The following GABRP variants were observed in gnomAD, a reference collection of about 807,000 sequenced individuals.
GABRP encodes gamma-aminobutyric acid receptor subunit pi.
GABRP carries 52 observed loss-of-function variants against 47.8 expected under a neutral mutation model. The ratio of observed to expected loss-of-function variants is 1.09; its 90% CI spans 0.87 to 1.37. The LOEUF is 1.37. Among genes scored for constraint, GABRP ranks in the 40% most tolerant of loss-of-function variants. The pLI, the probability that GABRP is intolerant of heterozygous loss-of-function variation, is 0.00. For missense variants in GABRP, 525 were observed against 542.8 expected (o/e 0.97, Z 0.33); for synonymous variants, 221 against 205.8 (o/e 1.07, Z -0.63).
In GABRP at chr5:170,812,107, T is replaced by TTTAA; in HGVS notation, c.1172_1173insTTAA (p.Lys392Ter). 6.2e-7 allele frequency: 1 copy of TTTAA among 1,614,186 alleles called. No individual in the cohort carries two copies. Among genetic ancestry groups the TTTAA allele is most frequent in the Non-Finnish European group, 8.5e-7 (1 of 1,180,018 alleles). ...TTGACAATGAAAACCAGCGACAAGTTCAAGTTTGTCTTCCGAGAAAAGATG... is the reference window on the plus strand; with the variant it reads ...TTGACAATGAAAACCAGCGACAAGTTTTAACAAGTTTGTCTTCCGAGAAAAGATG... On this transcript the variant is annotated stop_gained and frameshift_variant, in exon 10 of 10. Coordinates refer to ENST00000265294, the MANE Select transcript of GABRP (RefSeq NM_014211.3). LOFTEE classifies it high-confidence loss of function.
intron 7 of GABRP, among the ~76,000 whole-genome samples, chr5:170,806,915 T>G (rs552906805): frequency 1.3e-5 from 2 of 152,260 alleles, no homozygotes; most frequent in African/African-American, 4.8e-5. Context: ...TTTTCTTTTT[T>G]CTTTTATCTA....
chr5:170,785,784 T>C (rs934063915), intron 1 of GABRP, among the ~76,000 whole-genome samples: 2 of 152,216 alleles, frequency 1.3e-5, no homozygotes, highest in African/African-American at 4.8e-5. Flanking sequence ...CCATGTTCCT[T>C]CAGGCCAGAC....
chr5:170,784,161 C>A (rs1765071069), intron 1 of GABRP, among the ~76,000 whole-genome samples: 1 of 152,186 alleles, frequency 6.6e-6, no homozygotes, highest in Non-Finnish European at 1.5e-5. Flanking sequence ...AAGCGGGACC[C>A]ATGGCAATAA....
chr5:170,801,469 G>A (rs1356101733), intron 6 of GABRP, among the ~76,000 whole-genome samples: 1 of 152,100 alleles, frequency 6.6e-6, no homozygotes, highest in Non-Finnish European at 1.5e-5. Context: ...CAACTGAATT[G>A]CAACCTGATT....
chr5:170,786,447 C>T (rs979435481), intron 1 of GABRP, among the ~76,000 whole-genome samples: 7 of 152,182 alleles, frequency 4.6e-5, no homozygotes, highest in Non-Finnish European at 1.0e-4. Flanking sequence ...ACAGCATTCA[C>T]AGTAGAAGAT....
upstream of GABRP, chr5:170,783,001 TG>T (rs145404766): frequency 0.091 from 13,896 of 152,268 alleles, 1,116 homozygotes; most frequent in African/African-American, 0.21. Flanking sequence ...TTAGGAGGTT[TG>T]GTTGGCCAGG....
chr5:170,793,149 G>T (rs894058173), intron 3 of GABRP, among the ~76,000 whole-genome samples: 3 of 152,164 alleles, frequency 2.0e-5, no homozygotes, highest in Admixed American at 6.6e-5. Flanking sequence ...ACTCCACAAA[G>T]ACAATGTCAC....
At chr5:170,795,123 T>A (rs763754497) in intron 4 of GABRP, 85 bp from the exon 5 acceptor site, 73 of 941,488 alleles carry the variant, frequency 7.8e-5, no homozygotes, top group Non-Finnish European at 1.1e-4. Context: ...GGGAGGGGAG[T>A]AAACTTTGAC....
intron 3 of GABRP, among the ~76,000 whole-genome samples, chr5:170,790,551 T>C (rs746580154): frequency 3.3e-4 from 50 of 152,026 alleles, no homozygotes; most frequent in Non-Finnish European, 5.1e-4. Context: ...AGGGGGACTA[T>C]GTCTAGAAGG....
Position 170,805,786 on chromosome 5 carries a change from C to A in GABRP, c.612C>A (p.His204Gln). Residue 204 changes from histidine to glutamine, a missense_variant, in exon 7 of 10, where the codon CAC (histidine) becomes CAA (glutamine). Transcript: ENST00000265294. ...ACGACTCTGTGCGTGGACTGGAACA[C>A]CTGCGGCTTGCTCAGTACACCATAG... is the stretch of plus-strand genomic sequence containing the variant. ...RGNDSVRGLE[H>Q]LRLAQYTIER... 6.2e-7 allele frequency: 1 copy of A among 1,614,194 alleles called. No individual in the cohort carries two copies. The highest frequency in any genetic ancestry group is 8.5e-7 in the Non-Finnish European group (1 of 1,180,026).
rs1030940872 is a variant in GABRP, at chr5:170,813,224, C to A, written c.*966C>A. The A allele has an allele frequency of 6.6e-6, 1 of 152,210 alleles. No homozygotes were observed. The highest frequency in any genetic ancestry group is 2.4e-5 in the African/African-American group (1 of 41,452). The allele number at this position is 152,210 out of a possible 1,614,324, so 9.4% of individuals were successfully genotyped here. A position where few individuals can be genotyped will look rare whatever the true frequency, so the allele number is the denominator to read the frequency against. ...GAGAGTCGCTGTCATTCTGTCATTGCTGCTACTCTAACACTGAGCAACACT... is the reference window on the plus strand; with the variant it reads ...GAGAGTCGCTGTCATTCTGTCATTGATGCTACTCTAACACTGAGCAACACT... On this transcript the variant is annotated 3_prime_UTR_variant, in exon 10 of 10. Transcript: ENST00000265294.
chr5:170,800,920 T>C (rs913659829), intron 6 of GABRP, among the ~76,000 whole-genome samples: 1 of 152,208 alleles, frequency 6.6e-6, no homozygotes, highest in African/African-American at 2.4e-5. Flanking sequence ...CACTCCAGCC[T>C]GGGCAACAAG....
chr5:170,785,114 G>A (rs1242331614), intron 1 of GABRP, among the ~76,000 whole-genome samples: 4 of 152,204 alleles, frequency 2.6e-5, no homozygotes, highest in Admixed American at 1.3e-4. Context: ...GCCACTTAAC[G>A]ATTGGCTCGT....
chr5:170,783,094 G>C (rs748299882), upstream of GABRP, among the ~76,000 whole-genome samples: 48 of 152,176 alleles, frequency 3.2e-4, no homozygotes, highest in Non-Finnish European at 6.3e-4. Context: ...AGAGCAGGAT[G>C]GGGGAAGGTG....
chr5:170,793,324 A>G (rs751160883), intron 3 of GABRP, among the ~76,000 whole-genome samples: 31 of 152,190 alleles, frequency 2.0e-4, no homozygotes, highest in Non-Finnish European at 4.0e-4. Context: ...ATCTCCATAT[A>G]AAGAGAAGTA....
At chr5:170,794,375 CAAAAAAAAAA>C in intron 4 of GABRP, 77 bp downstream of exon 4, 4 of 257,916 alleles carry the variant, frequency 1.6e-5, no homozygotes, top group South Asian at 2.3e-4. Flanking sequence ...TCTAGCCGCT[CAAAAAAAAAA>C]AAAAAAAAAA....
At chr5:170,793,754 C>T (rs550800882) in intron 3 of GABRP, among the ~76,000 whole-genome samples, 8 of 147,380 alleles carry the variant, frequency 5.4e-5, no homozygotes, top group Non-Finnish European at 1.0e-4. Context: ...GTTAATTCAG[C>T]GTGACCAACA....
Position 170,794,249 on chromosome 5 carries a change from C to T in GABRP, c.191C>T (p.Ala64Val), listed in dbSNP as rs760507244. 4.3e-6 allele frequency: 7 copies of T among 1,611,230 alleles called. No individual in the cohort carries two copies. The highest frequency in any genetic ancestry group is 1.3e-5 in the African/African-American group (1 of 74,720). ...PNFGGEPVQI[A>V]LTLDIASISS... The stretch of plus-strand genomic sequence containing the variant: ...ATCTTAGGAGAACCCGTACAGATAG[C>T]GCTGACTCTGGACATTGCAAGTATC... Residue 64 changes from alanine to valine, a missense_variant, in exon 4 of 10, where the codon GCG becomes GTG. Transcript: ENST00000265294.
chr5:170,808,509 G>A, intron 7 of GABRP, 91 bp from the exon 8 acceptor site: 3 of 1,046,626 alleles, frequency 2.9e-6, no homozygotes, highest in Non-Finnish European at 4.2e-6. Flanking sequence ...CAATGACAGA[G>A]GGCTTAATGT....
Sources: allele counts gnomAD v4.1 joint callset (sites outside exome capture counted in the v4.1 genomes callset), GRCh38; gene constraint gnomAD v4.1.1; transcripts MANE v1.5; gene names NCBI Gene and HGNC (gene_info 2026-07-23, HGNC 2026-07-21).